ENPP3: variants seen among roughly 807,000 people sequenced by gnomAD.
ENPP3 encodes the protein ectonucleotide pyrophosphatase/phosphodiesterase 3, also known as ectonucleotide pyrophosphatase/phosphodiesterase family member 3.
Under a neutral mutation model 117.8 loss-of-function variants are expected in ENPP3, and 104 were observed. That is an observed-to-expected ratio of 0.88 (90% CI 0.75 to 1.04). The LOEUF (loss-of-function observed/expected upper bound fraction) is 1.04, where lower values mean the gene tolerates loss of function less well. ENPP3 is among the 50% of genes least tolerant of loss of function. The pLI is 0.00. For missense variants in ENPP3, 1,026 were observed against 1,051.9 expected (o/e 0.98, Z 0.34); for synonymous variants, 380 against 349.9 (o/e 1.09, Z -0.96).
intron 21 of ENPP3, among the ~76,000 whole-genome samples, chr6:131,734,664 A>G (rs1780357241): frequency 6.6e-6 from 1 of 152,062 alleles, no homozygotes; most frequent in Non-Finnish European, 1.5e-5. Context: ...TGGGAGGCCA[A>G]AGTGGGTGGA....
intron 2 of ENPP3, among the ~76,000 whole-genome samples, chr6:131,646,779 C>T (rs528974276): frequency 6.8e-6 from 1 of 146,300 alleles, no homozygotes; most frequent in South Asian, 2.2e-4. Flanking sequence ...TTCCAGGACT[C>T]CTTCCTCTTA....
At chr6:131,733,559 G>A (rs202063834) in intron 20 of ENPP3, 29 bp from the exon 21 acceptor site, 328 of 1,596,346 alleles carry the variant, frequency 2.1e-4, no homozygotes, top group Non-Finnish European at 2.7e-4. Flanking sequence ...AATTGTGGGC[G>A]TAATTTTTTT....
chr6:131,644,479 A>G (rs1198307031), intron 2 of ENPP3, among the ~76,000 whole-genome samples: 1 of 152,174 alleles, frequency 6.6e-6, no homozygotes, highest in Non-Finnish European at 1.5e-5. Context: ...GATGGGGTAG[A>G]TAGATTTTAT....
chr6:131,690,644 G>A (rs1403619140), intron 14 of ENPP3, among the ~76,000 whole-genome samples: 1 of 152,106 alleles, frequency 6.6e-6, no homozygotes, highest in Non-Finnish European at 1.5e-5. Flanking sequence ...AAATCTCTGA[G>A]GATGGAGTGC....
At chr6:131,647,169 A>G (rs923581794) in intron 2 of ENPP3, among the ~76,000 whole-genome samples, 1 of 152,052 alleles carries the variant, frequency 6.6e-6, no homozygotes, top group African/African-American at 2.4e-5. Context: ...CCACTGCACC[A>G]GGCCTCAACC....
rs1237226534 is a variant in ENPP3, at chr6:131,702,317, A to G, written c.1412+8693A>G. 4.7e-4 allele frequency among the ~76,000 whole-genome samples: 70 copies of G among 149,600 alleles called. No individual in the cohort carries two copies. The East Asian group carries it at 0.012, about 27-fold the overall frequency. ...CAGCCAAATACACCAGTGGTCATTC[A>G]CCTCTTAAACTTTCCACTCTTGCAC... On this transcript the variant is annotated intron_variant, in intron 15 of 24. Coordinates refer to ENST00000357639, the MANE Select transcript of ENPP3 (RefSeq NM_005021.5).
At chr6:131,729,409 T>G (rs1381880499) in intron 20 of ENPP3, among the ~76,000 whole-genome samples, 2 of 152,196 alleles carry the variant, frequency 1.3e-5, no homozygotes, top group African/African-American at 4.8e-5. Context: ...AGAAATAATT[T>G]TATCCTCTGT....
At chr6:131,706,858 TTA>T (rs372034391) in intron 15 of ENPP3, among the ~76,000 whole-genome samples, 4 of 149,318 alleles carry the variant, frequency 2.7e-5, no homozygotes, top group African/African-American at 7.3e-5. Context: ...ATACATATCT[TTA>T]TATATATATA....
chr6:131,652,318 A>G (rs1778279863), intron 3 of ENPP3, among the ~76,000 whole-genome samples: 1 of 152,238 alleles, frequency 6.6e-6, no homozygotes, highest in Non-Finnish European at 1.5e-5. Context: ...GTACCTGCTA[A>G]GTAAACCTGG....
chr6:131,681,378 T>A (rs903785793), intron 11 of ENPP3, among the ~76,000 whole-genome samples: 1 of 152,146 alleles, frequency 6.6e-6, no homozygotes, highest in African/African-American at 2.4e-5. Context: ...CTAAAGACCT[T>A]AACTCTATCA....
intron 14 of ENPP3, among the ~76,000 whole-genome samples, chr6:131,688,004 G>A (rs1288073126): frequency 6.6e-6 from 1 of 152,146 alleles, no homozygotes; most frequent in Admixed American, 6.6e-5. Context: ...GCTCTGCACT[G>A]AGCATGTCTA....
intron 18 of ENPP3, 90 bp downstream of exon 18, chr6:131,722,495 GT>G (rs1467216048): frequency 1.5e-5 from 15 of 1,010,816 alleles, no homozygotes; most frequent in African/African-American, 1.3e-4. Context: ...CAACAACCAG[GT>G]TTGTGTTCCG....
chr6:131,728,881 G>A (rs1780214509), intron 20 of ENPP3, among the ~76,000 whole-genome samples: 1 of 152,140 alleles, frequency 6.6e-6, no homozygotes, highest in Admixed American at 6.5e-5. Context: ...TTGCTTCTGG[G>A]CCTGTTCAGA....
intron 6 of ENPP3, among the ~76,000 whole-genome samples, chr6:131,668,938 AC>A (rs1200302446): frequency 6.6e-6 from 1 of 152,144 alleles, no homozygotes; most frequent in Non-Finnish European, 1.5e-5. Context: ...GTAATACAAA[AC>A]GGTAGCTTGG....
intron 3 of ENPP3, among the ~76,000 whole-genome samples, chr6:131,652,328 G>A (rs1475071540): frequency 6.6e-6 from 1 of 152,124 alleles, no homozygotes; most frequent in African/African-American, 2.4e-5. Flanking sequence ...AGTAAACCTG[G>A]GTTGCGATTT....
At chr6:131,728,903 C>A (rs757138196) in intron 20 of ENPP3, among the ~76,000 whole-genome samples, 2 of 152,166 alleles carry the variant, frequency 1.3e-5, no homozygotes. Flanking sequence ...GGAAGATATG[C>A]ACTAGTGTTC....
In ENPP3 at chr6:131,701,434, C is replaced by T. The variant is rs760477890; in HGVS notation, c.1412+7810C>T. The T allele has an allele frequency of 2.1e-5, 32 of 1,535,254 alleles. No homozygotes were observed. In the Middle Eastern group the frequency reaches 6.8e-4, roughly 33 times the overall value. ...TGACAGAGGAAATCAAGTTAATGCT[C>T]ATGGTTTAGGAGAAGTGTTTAAAAA... On this transcript the variant is annotated intron_variant, in intron 15 of 24. Coordinates refer to ENST00000357639, the MANE Select transcript of ENPP3 (RefSeq NM_005021.5).
intron 6 of ENPP3, among the ~76,000 whole-genome samples, chr6:131,664,593 C>G (rs1189219600): frequency 1.3e-5 from 2 of 152,172 alleles, no homozygotes; most frequent in Non-Finnish European, 2.9e-5. Flanking sequence ...CATTCACTCA[C>G]CACTCACTCA....
chr6:131,658,316 T>C lies in ENPP3; in HGVS notation c.465-7T>C, dbSNP rs1247285769. 2 of 1,570,518 alleles carry C rather than the reference T, an allele frequency of 1.3e-6. No individual in the cohort carries two copies. Among genetic ancestry groups the C allele is most frequent in the Non-Finnish European group, 1.8e-6 (2 of 1,140,984 alleles). ...AACAATGGACAAATTTTGTTTTCCA[T>C]TTTCAGGTTTGACCTGCCACCAGTT... On this transcript the variant is annotated splice_polypyrimidine_tract_variant and splice_region_variant and intron_variant, in intron 5 of 24. Coordinates refer to ENST00000357639, the MANE Select transcript of ENPP3 (RefSeq NM_005021.5).
Sources: allele counts gnomAD v4.1 joint callset (sites outside exome capture counted in the v4.1 genomes callset), GRCh38; gene constraint gnomAD v4.1.1; transcripts MANE v1.5; gene names NCBI Gene and HGNC (gene_info 2026-07-23, HGNC 2026-07-21).